The following PAQR5 variants were observed in gnomAD, a reference collection of about 807,000 sequenced individuals.
The protein encoded by PAQR5 is progestin and adipoQ receptor family member 5.
Under a neutral mutation model 34.5 loss-of-function variants are expected in PAQR5, and 20 were observed. The ratio of observed to expected loss-of-function variants is 0.58; its 90% CI spans 0.41 to 0.84. The LOEUF (loss-of-function observed/expected upper bound fraction) is 0.84, where lower values mean the gene tolerates loss of function less well. Ranked by LOEUF, PAQR5 falls within the 40% of genes least tolerant of loss-of-function variation. PAQR5 has a pLI of 0.00. For synonymous variants in PAQR5, 131 were observed against 155.6 expected (o/e 0.84, Z 1.18); for missense variants, 378 against 412.7 (o/e 0.92, Z 0.73).
At chr15:69,311,717 A>C (rs1290496639) in intron 1 of PAQR5, among the ~76,000 whole-genome samples, 2 of 152,154 alleles carry the variant, frequency 1.3e-5, no homozygotes, top group African/African-American at 4.8e-5. Context: ...CCAATAAAGG[A>C]TCTGACCGAG....
chr15:69,367,925 C>T (rs1200626861), intron 3 of PAQR5, among the ~76,000 whole-genome samples: 1 of 152,188 alleles, frequency 6.6e-6, no homozygotes, highest in African/African-American at 2.4e-5. Flanking sequence ...TGGATGTACA[C>T]AGCCCCTGGG....
At position 69,400,064 on chromosome 15, in the gene PAQR5, T is replaced by C; in HGVS notation, c.700T>C (p.Tyr234His). The change falls in exon 8 of 9, where the codon TAC (tyrosine) becomes CAC (histidine). Residue 234 changes from tyrosine to histidine, a missense_variant. Transcript: ENST00000395407. ...MIMTLLASFL[Y>H]SAHLPERLAP... ...CATGACCCTCCTGGCCTCTTTCTTG[T>C]ACTCTGCACATCTGCCAGAACGCCT... 1 of 1,614,242 alleles carries C rather than the reference T, an allele frequency of 6.2e-7. No homozygotes were observed. Among genetic ancestry groups the C allele is most frequent in the Non-Finnish European group, 8.5e-7 (1 of 1,180,028 alleles).
At chr15:69,369,812 A>G (rs1352898851) in intron 3 of PAQR5, among the ~76,000 whole-genome samples, 1 of 151,078 alleles carries the variant, frequency 6.6e-6, no homozygotes, top group South Asian at 2.1e-4. Flanking sequence ...TTTATTTCAC[A>G]CTCACTTATC....
chr15:69,334,442 C>G (rs1222760535), intron 1 of PAQR5, among the ~76,000 whole-genome samples: 1 of 152,178 alleles, frequency 6.6e-6, no homozygotes, highest in Non-Finnish European at 1.5e-5. Flanking sequence ...TAAGGTCAAA[C>G]TGTTTCTTTG....
intron 1 of PAQR5, among the ~76,000 whole-genome samples, chr15:69,305,525 C>T (rs986925366): frequency 3.3e-5 from 5 of 151,870 alleles, no homozygotes; most frequent in East Asian, 1.9e-4. Context: ...GGGCGAGGCT[C>T]GGAGTGAGGG....
intron 1 of PAQR5, among the ~76,000 whole-genome samples, chr15:69,310,164 G>A (rs1454554741): frequency 1.3e-5 from 2 of 152,170 alleles, no homozygotes; most frequent in African/African-American, 4.8e-5. Context: ...GGACATGGAG[G>A]CAGTTTTGAG....
In PAQR5 at chr15:69,332,810, C is replaced by T. The variant is rs376070491; in HGVS notation, c.-276-4531C>T. On this transcript the variant is annotated intron_variant, in intron 1 of 8. Coordinates refer to ENST00000395407, the MANE Select transcript of PAQR5 (RefSeq NM_017705.4). ...AAAAAAAAAAAAAAAAAAAAAGAAA[C>T]GGCTTACCTTCTCCTTGAGACATGA... 2.8e-3 allele frequency among the ~76,000 whole-genome samples: 330 copies of T among 116,866 alleles called. 2 individuals are homozygous for T. The highest frequency in any genetic ancestry group is 0.011 in the African/African-American group (321 of 28,434). 76.7% of individuals were successfully genotyped at this position (116,866 alleles called of 152,430 possible).
At chr15:69,319,682 T>C (rs1018424056) in intron 1 of PAQR5, among the ~76,000 whole-genome samples, 1 of 152,182 alleles carries the variant, frequency 6.6e-6, no homozygotes, top group South Asian at 2.1e-4. Flanking sequence ...CCTCACCTCT[T>C]CCCAGGGTTA....
chr15:69,330,490 C>T (rs2140664700), intron 1 of PAQR5, among the ~76,000 whole-genome samples: 1 of 152,268 alleles, frequency 6.6e-6, no homozygotes, highest in South Asian at 2.1e-4. Context: ...CTAGACTGCT[C>T]TTAAGATCAG....
chr15:69,365,824 C>G (rs947388923), intron 3 of PAQR5, among the ~76,000 whole-genome samples: 7 of 152,164 alleles, frequency 4.6e-5, no homozygotes, highest in African/African-American at 7.2e-5. Flanking sequence ...CCATATTGCC[C>G]AACTCTAAGG....
chr15:69,364,060 G>A (rs2055317922), intron 3 of PAQR5, among the ~76,000 whole-genome samples: 1 of 152,146 alleles, frequency 6.6e-6, no homozygotes, highest in Non-Finnish European at 1.5e-5. Flanking sequence ...GTTCTTATCT[G>A]TAAGATGGAA....
intron 6 of PAQR5, among the ~76,000 whole-genome samples, chr15:69,390,592 T>A (rs964624824): frequency 4.6e-5 from 7 of 152,212 alleles, no homozygotes; most frequent in African/African-American, 1.2e-4. Context: ...AGTTTGCTCA[T>A]CTATAAAATG....
intron 3 of PAQR5, among the ~76,000 whole-genome samples, chr15:69,378,567 T>C (rs1319439407): frequency 6.6e-6 from 1 of 152,022 alleles, no homozygotes; most frequent in Non-Finnish European, 1.5e-5. Context: ...GGTGGCTAGA[T>C]TGAAGTTCCT....
rs1477272479 is a variant in PAQR5 at position 69,407,271 on chromosome 15, G to C, written c.*3449G>C. On this transcript the variant is annotated 3_prime_UTR_variant, in exon 9 of 9. Transcript: ENST00000395407. ...TCCACCTCAGCCTCCTGAGTAGCTGGGACTACAGGTGCATGCCACCAAGCC... is the reference window on the plus strand; with the variant it reads ...TCCACCTCAGCCTCCTGAGTAGCTGCGACTACAGGTGCATGCCACCAAGCC... The C allele has an allele frequency of 2.0e-5, 3 of 152,068 alleles. No individual in the cohort carries two copies. Among genetic ancestry groups the C allele is most frequent in the African/African-American group, 7.2e-5 (3 of 41,392 alleles). The allele number at this position is 152,068 out of a possible 1,614,324, so 9.4% of individuals were successfully genotyped here.
chr15:69,301,214 G>A (rs1015755533), intron 1 of PAQR5, among the ~76,000 whole-genome samples: 75 of 152,112 alleles, frequency 4.9e-4, no homozygotes, highest in African/African-American at 1.7e-3. Flanking sequence ...ATGTTGGCCA[G>A]GTTGGTCTCG....
At chr15:69,399,932 G>T in intron 7 of PAQR5, 42 bp from the exon 8 acceptor site, 2 of 1,595,094 alleles carry the variant, frequency 1.3e-6, no homozygotes, top group Non-Finnish European at 8.5e-7. Flanking sequence ...CCTGCCTCAG[G>T]CCTGTCCTCT....
At chr15:69,343,801 T>C (rs781012070) in intron 2 of PAQR5, among the ~76,000 whole-genome samples, 2 of 152,114 alleles carry the variant, frequency 1.3e-5, no homozygotes, top group African/African-American at 2.4e-5. Flanking sequence ...TGAAATACAA[T>C]CCTAGGTTCA....
intron 1 of PAQR5, among the ~76,000 whole-genome samples, chr15:69,301,904 T>G (rs1312978077): frequency 3.2e-5 from 4 of 125,716 alleles, no homozygotes; most frequent in South Asian, 2.6e-4. Flanking sequence ...TTTAGCACAG[T>G]GTTAGGAGTC....
rs1349344085 is a variant in PAQR5 at position 69,337,104 on chromosome 15, G to T, written c.-276-237G>T. 2.6e-5 allele frequency among the ~76,000 whole-genome samples: 4 copies of T among 152,214 alleles called. No individual in the cohort carries two copies. In the East Asian group the frequency reaches 7.7e-4, roughly 29 times the overall value. ...ACTTCTAGGACTCTCGTGGAGAGCT[G>T]GTATGTTAAACATTGCTAATCCTTT... On this transcript the variant is annotated intron_variant, in intron 1 of 8. Coordinates refer to ENST00000395407, the MANE Select transcript of PAQR5 (RefSeq NM_017705.4).
Sources: gnomAD v4.1 joint callset for allele counts (sites outside exome capture counted in the v4.1 genomes callset) on GRCh38, gnomAD v4.1.1 for gene constraint, MANE v1.5 for transcripts, NCBI Gene and HGNC (gene_info 2026-07-23, HGNC 2026-07-21) for gene names.